The following COX7A2 variants were observed in gnomAD, a reference collection of about 807,000 sequenced individuals.
COX7A2 encodes the protein cytochrome c oxidase subunit 7A2, mitochondrial.
In COX7A2, 11 loss-of-function variants were observed where a neutral mutation model predicts 11.6. The observed-to-expected ratio is 0.95, with a 90% CI of 0.60 to 1.57. The LOEUF (loss-of-function observed/expected upper bound fraction) is 1.57, where lower values mean the gene tolerates loss of function less well. Among genes scored for constraint, COX7A2 ranks in the 40% most tolerant of loss-of-function variants. COX7A2 has a pLI of 0.00. For missense variants in COX7A2, 106 were observed against 100.9 expected, an observed-to-expected ratio of 1.05 and a Z score of -0.22; for synonymous variants, 30 against 38.2, an observed-to-expected ratio of 0.78 and a Z score of 0.79.
intron 2 of COX7A2, 177 bp downstream of exon 2, chr6:75,240,999 A>T: frequency 1.5e-6 from 1 of 681,046 alleles, no homozygotes; most frequent in Non-Finnish European, 2.2e-6. Flanking sequence ...GCTCTGCTCC[A>T]CCAGGTCTTT....
Position 75,240,392 on chromosome 6 carries a change from TTAAAA to T in COX7A2, c.109-12_109-8del. On this transcript the variant is annotated splice_polypyrimidine_tract_variant and splice_region_variant and intron_variant, in intron 2 of 3. Coordinates refer to ENST00000684430, the MANE Select transcript of COX7A2 (RefSeq NM_001366293.2). The stretch of plus-strand genomic sequence containing the variant: ...GTGGAATTTCATCATCCTCCTAGAT[TTAAAA>T]AAAAAAAAAAAAGACAATAATAAAT... The T allele has an allele frequency of 1.4e-6, 2 of 1,400,682 alleles. No individual in the cohort carries two copies. Among genetic ancestry groups the T allele is most frequent in the East Asian group, 2.5e-5 (1 of 39,876 alleles). 86.8% of individuals were successfully genotyped at this position (1,400,682 alleles called of 1,614,324 possible).
chr6:75,243,969 CT>C, upstream of COX7A2: 1 of 707,376 alleles, frequency 1.4e-6, no homozygotes, highest in South Asian at 1.8e-5. Flanking sequence ...CGTTCCTGAC[CT>C]TTTCGATGTT....
chr6:75,248,290 G>A (rs1771720504), upstream of COX7A2, among the ~76,000 whole-genome samples: 1 of 4,624 alleles, frequency 2.2e-4, no homozygotes, highest in Admixed American at 4.3e-3. Flanking sequence ...GGGTTTCACC[G>A]TTTTAGCCAG....
intron 3 of COX7A2, among the ~76,000 whole-genome samples, chr6:75,238,813 A>ATCTTTTTTTT (rs1240626399): frequency 1.4e-5 from 2 of 148,078 alleles, no homozygotes; most frequent in Admixed American, 6.7e-5. Flanking sequence ...TTAGGGCTTT[A>ATCTTTTTTTT]TCTTTTTTTT....
intron 1 of COX7A2, chr6:75,249,960 TGA>T (rs905672802): frequency 6.6e-6 from 1 of 152,098 alleles, no homozygotes; most frequent in Non-Finnish European, 1.5e-5. Context: ...AGGGGAGGGA[TGA>T]GAGACCCAAC....
At chr6:75,243,825 A>C (rs757300179), upstream of COX7A2, 60 of 1,613,748 alleles carry the variant, frequency 3.7e-5, no homozygotes, top group Non-Finnish European at 5.1e-5. Flanking sequence ...AGTCTTGCGT[A>C]TGCATTCACG....
At chr6:75,241,006 C>A in intron 2 of COX7A2, 170 bp downstream of exon 2, 1 of 761,644 alleles carries the variant, frequency 1.3e-6, no homozygotes, top group Non-Finnish European at 1.9e-6. Context: ...TCCACCAGGT[C>A]TTTCCCCAAG....
upstream of COX7A2, among the ~76,000 whole-genome samples, chr6:75,245,295 T>A (rs530837585): frequency 1.3e-5 from 2 of 152,210 alleles, no homozygotes; most frequent in South Asian, 4.1e-4. Context: ...ATCCAGACCA[T>A]CTTGGCTAAA....
intron 3 of COX7A2, 76 bp downstream of exon 3, chr6:75,240,225 T>C (rs752674209): frequency 2.0e-5 from 22 of 1,090,986 alleles, no homozygotes; most frequent in Middle Eastern, 3.9e-4. Flanking sequence ...AATACTGGCA[T>C]AGCAAAAGCA....
upstream of COX7A2, among the ~76,000 whole-genome samples, chr6:75,248,527 G>A (rs1009323078): frequency 2.0e-5 from 3 of 152,176 alleles, no homozygotes; most frequent in Non-Finnish European, 4.4e-5. Flanking sequence ...CCGCCTTTCT[G>A]AACCAAACCA....
At chr6:75,244,836 C>A (rs1771644881), upstream of COX7A2, among the ~76,000 whole-genome samples, 1 of 152,186 alleles carries the variant, frequency 6.6e-6, no homozygotes, top group African/African-American at 2.4e-5. Flanking sequence ...AGTTAAAATT[C>A]TCTTCCTCAC....
In COX7A2 at chr6:75,240,327, C is replaced by T; in HGVS notation, c.167G>A (p.Arg56Lys). ...KGGVADALLY[R>K]ATMILTVGGT... ...ACCAACTGTAAGAATCATGGTGGCT[C>T]TATACAGGAGGGCATCAGCTACCCC... The change falls in exon 3 of 4, where the codon AGA (arginine) becomes AAA (lysine). Residue 56 changes from arginine to lysine, a missense_variant. Coordinates refer to ENST00000684430, the MANE Select transcript of COX7A2 (RefSeq NM_001366293.2). The T allele has an allele frequency of 6.2e-7, 1 of 1,609,520 alleles. No homozygotes were observed. Among genetic ancestry groups the T allele is most frequent in the Non-Finnish European group, 8.5e-7 (1 of 1,178,684 alleles).
upstream of COX7A2, among the ~76,000 whole-genome samples, chr6:75,248,572 T>G (rs921113649): frequency 1.3e-5 from 2 of 152,248 alleles, no homozygotes; most frequent in Non-Finnish European, 2.9e-5. Context: ...TGATGTCTCA[T>G]GCCTCCCAAA....
Position 75,243,800 on chromosome 6 carries a change from C to G in COX7A2, c.-66G>C, listed in dbSNP as rs113123058. On this transcript the variant is annotated 5_prime_UTR_variant, in exon 1 of 4. Transcript: ENST00000684430. ...ACCAACGAAAATGGCCACGCCGGAACCGGAACTACCTCCGAGTCTTGCGTA... is the reference window on the plus strand; with the variant it reads ...ACCAACGAAAATGGCCACGCCGGAAGCGGAACTACCTCCGAGTCTTGCGTA... 1.3e-3 allele frequency: 2,043 copies of G among 1,614,134 alleles called. 23 individuals are homozygous for G. In the African/African-American group the frequency reaches 0.024, roughly 19 times the overall value.
Position 75,241,258 on chromosome 6 carries a change from C to G in COX7A2, c.26G>C (p.Arg9Pro). 2 of 1,527,418 alleles carry G rather than the reference C, an allele frequency of 1.3e-6. No homozygotes were observed. The highest frequency in any genetic ancestry group is 1.3e-5 in the South Asian group (1 of 78,100). 94.6% of individuals were successfully genotyped at this position (1,527,418 alleles called of 1,614,324 possible). Reference protein sequence around the residue: MLRNLLALRQIGQRTISTA... With the variant: MLRNLLALPQIGQRTISTA... ...GCTTATCGTCCTCTGCCCAATCTGACGAAGAGCCTAAAATGAAAATATTAT... is the reference window on the plus strand; with the variant it reads ...GCTTATCGTCCTCTGCCCAATCTGAGGAAGAGCCTAAAATGAAAATATTAT... The change falls in exon 2 of 4, where the codon CGT (arginine) becomes CCT (proline). Residue 9 changes from arginine (R) to proline (P), a missense_variant. Physicochemically the swap from Arg to Pro is moderately radical, Grantham distance 103. Coordinates refer to ENST00000684430, the MANE Select transcript of COX7A2 (RefSeq NM_001366293.2).
At position 75,238,116 on chromosome 6, in the gene COX7A2, T is replaced by C. The variant is rs1771371121; in HGVS notation, c.194-128A>G. Reference sequence around the variant, plus strand: ...CTTAATTGGAACACAAAAAAGTATTTTGATAGGTGCTGGAAAAATTTTAAA... The same window carrying C: ...CTTAATTGGAACACAAAAAAGTATTCTGATAGGTGCTGGAAAAATTTTAAA... On this transcript the variant is annotated intron_variant, in intron 3 of 3. Coordinates refer to ENST00000684430, the MANE Select transcript of COX7A2 (RefSeq NM_001366293.2). 7 of 471,990 alleles carry C rather than the reference T, an allele frequency of 1.5e-5. No individual in the cohort carries two copies. The East Asian group carries it at 1.6e-4, about 11-fold the overall frequency. The allele number at this position is 471,990 out of a possible 1,614,324, so 29.2% of individuals were successfully genotyped here.
At chr6:75,243,567 A>AAGT (rs1771591544) in intron 1 of COX7A2, 150 bp downstream of exon 1, 11 of 699,058 alleles carry the variant, frequency 1.6e-5, no homozygotes, top group Non-Finnish European at 2.5e-5. Flanking sequence ...ACGGAAGGGA[A>AAGT]AGTAAGGTCA....
At chr6:75,240,250 T>C in intron 3 of COX7A2, 51 bp downstream of exon 3, 1 of 1,327,732 alleles carries the variant, frequency 7.5e-7, no homozygotes, top group South Asian at 1.2e-5. Flanking sequence ...AGTTATCAGT[T>C]ATCATTACTA....
At chr6:75,238,704 C>CAAAAA (rs35057968) in intron 3 of COX7A2, among the ~76,000 whole-genome samples, 15 of 55,708 alleles carry the variant, frequency 2.7e-4, no homozygotes, top group Admixed American at 8.9e-4. Context: ...AACTCCATCT[C>CAAAAA]AAAAAAAAAA....
Sources: allele counts gnomAD v4.1 joint callset (sites outside exome capture counted in the v4.1 genomes callset), GRCh38; gene constraint gnomAD v4.1.1; transcripts MANE v1.5; gene names NCBI Gene and HGNC (gene_info 2026-07-23, HGNC 2026-07-21).